Variants in RPS6KC1 observed in about 807,000 individuals in gnomAD.
The protein encoded by RPS6KC1 is ribosomal protein S6 kinase C1.
In RPS6KC1, 54 loss-of-function variants were observed where a neutral mutation model predicts 103.8. The ratio of observed to expected loss-of-function variants is 0.52; its 90% CI spans 0.42 to 0.65. RPS6KC1 has a LOEUF of 0.65. Ranked by LOEUF, RPS6KC1 falls within the 30% of genes least tolerant of loss-of-function variation. The pLI, the probability that RPS6KC1 is intolerant of heterozygous loss-of-function variation, is 0.00. For synonymous variants in RPS6KC1, 439 were observed against 438.7 expected, an observed-to-expected ratio of 1.00 and a Z score of -0.01; for missense variants, 1,151 against 1,253.8, an observed-to-expected ratio of 0.92 and a Z score of 1.24.
chr1:213,338,224 G>C, the RPS6KC1 span, among the ~76,000 whole-genome samples: 1 of 152,088 alleles, frequency 6.6e-6, no homozygotes, highest in East Asian at 1.9e-4. Context: ...ACCTCCAAGG[G>C]CCTTTTCAGC....
the RPS6KC1 span, among the ~76,000 whole-genome samples, chr1:213,378,683 C>G: frequency 6.6e-6 from 1 of 151,940 alleles, no homozygotes; most frequent in Admixed American, 6.6e-5. Flanking sequence ...TTTATTCATT[C>G]GTGAAATGAA....
intron 7 of RPS6KC1, among the ~76,000 whole-genome samples, chr1:213,168,963 T>A (rs2091243516): frequency 6.6e-6 from 1 of 152,142 alleles, no homozygotes; most frequent in East Asian, 1.9e-4. Context: ...CATAGAAGAT[T>A]GGACAAGATA....
the RPS6KC1 span, among the ~76,000 whole-genome samples, chr1:213,809,539 C>G: frequency 6.6e-6 from 1 of 151,916 alleles, no homozygotes; most frequent in Non-Finnish European, 1.5e-5. Flanking sequence ...ATTTATGAGG[C>G]ATAATAAAGT....
chr1:213,654,290 C>T, the RPS6KC1 span, among the ~76,000 whole-genome samples: 1 of 152,230 alleles, frequency 6.6e-6, no homozygotes, highest in East Asian at 1.9e-4. Context: ...AAAGTGCTTC[C>T]TTCAAGGCAG....
chr1:213,152,030 A>G (rs1041956268), intron 6 of RPS6KC1, among the ~76,000 whole-genome samples: 2 of 134,740 alleles, frequency 1.5e-5, no homozygotes, highest in African/African-American at 2.9e-5. Flanking sequence ...CACCTCCCGG[A>G]CGGGGCAGCT....
chr1:213,307,979 C>T, the RPS6KC1 span, among the ~76,000 whole-genome samples: 2,983 of 152,186 alleles, frequency 0.02, 52 homozygotes, highest in Middle Eastern at 0.085. Context: ...TGAGTGGTCA[C>T]AGGGCTGTTC....
At chr1:213,557,868 A>G in the RPS6KC1 span, among the ~76,000 whole-genome samples, 1 of 152,202 alleles carries the variant, frequency 6.6e-6, no homozygotes, top group African/African-American at 2.4e-5. Flanking sequence ...CTAACAAATA[A>G]GGCTAAGTAA....
chr1:213,840,493 T>G, the RPS6KC1 span: 2 of 152,152 alleles, frequency 1.3e-5, no homozygotes, highest in Admixed American at 1.3e-4. Flanking sequence ...AGAAAAGGCA[T>G]CCACATGATC....
chr1:213,244,127 T>C (rs2094412910), intron 12 of RPS6KC1, among the ~76,000 whole-genome samples: 1 of 152,044 alleles, frequency 6.6e-6, no homozygotes, highest in African/African-American at 2.4e-5. Flanking sequence ...TGTGATGTTA[T>C]GTTTTGAAAT....
the RPS6KC1 span, among the ~76,000 whole-genome samples, chr1:213,553,328 G>A: frequency 1.3e-5 from 2 of 152,236 alleles, no homozygotes; most frequent in Admixed American, 6.5e-5. Flanking sequence ...ATGTTGCTGC[G>A]AAGGACGTGG....
intron 8 of RPS6KC1, among the ~76,000 whole-genome samples, chr1:213,208,825 G>A (rs554544377): frequency 5.9e-5 from 9 of 151,638 alleles, no homozygotes; most frequent in African/African-American, 2.2e-4. Context: ...TTCTGCTTGT[G>A]TAGAAAAGGG....
At chr1:213,210,342 G>A (rs761112066) in intron 8 of RPS6KC1, among the ~76,000 whole-genome samples, 8 of 152,176 alleles carry the variant, frequency 5.3e-5, no homozygotes, top group Non-Finnish European at 8.8e-5. Flanking sequence ...TGTTGAGTAA[G>A]TTTGAAGGTA....
At chr1:213,595,597 T>C in the RPS6KC1 span, among the ~76,000 whole-genome samples, 1 of 152,206 alleles carries the variant, frequency 6.6e-6, no homozygotes, top group Non-Finnish European at 1.5e-5. Flanking sequence ...CCTCCAGGTC[T>C]CCTCAGCTGC....
At chr1:213,406,124 G>T in the RPS6KC1 span, among the ~76,000 whole-genome samples, 1 of 152,204 alleles carries the variant, frequency 6.6e-6, no homozygotes, top group Non-Finnish European at 1.5e-5. Context: ...CCAGTGACCC[G>T]GAGTGAGCAG....
the RPS6KC1 span, among the ~76,000 whole-genome samples, chr1:213,433,264 A>G: frequency 6.6e-6 from 1 of 152,184 alleles, no homozygotes. Flanking sequence ...GCTGGGAACA[A>G]ATCTCTCTCT....
intron 6 of RPS6KC1, among the ~76,000 whole-genome samples, chr1:213,149,436 G>A (rs150454429): frequency 1.7e-4 from 26 of 152,152 alleles, no homozygotes; most frequent in Admixed American, 6.5e-4. Context: ...TTTAATTTCC[G>A]TGTATTTCTG....
At chr1:213,294,301 A>G in the RPS6KC1 span, among the ~76,000 whole-genome samples, 2 of 152,220 alleles carry the variant, frequency 1.3e-5, no homozygotes. Flanking sequence ...TGGGAGAAAC[A>G]GCTGCAAGGG....
the RPS6KC1 span, among the ~76,000 whole-genome samples, chr1:213,661,809 G>T: frequency 6.6e-6 from 1 of 152,148 alleles, no homozygotes; most frequent in African/African-American, 2.4e-5. Flanking sequence ...TGCAATTTAT[G>T]CCAGTTTATG....
Position 213,140,513 on chromosome 1 carries a change from C to T in RPS6KC1, c.835+10624C>T, listed in dbSNP as rs1249416969. Among the ~76,000 whole-genome samples the T allele has an allele frequency of 2.6e-5, 4 of 152,010 alleles. 1 individual carries two copies. Among genetic ancestry groups the T allele is most frequent in the Admixed American group, 1.3e-4 (2 of 15,176 alleles). ...CTTATTATTTTGAGGTATGCACCTTCGATGAGTAGTTCATTGAGGATTTTT... is the reference window on the plus strand; with the variant it reads ...CTTATTATTTTGAGGTATGCACCTTTGATGAGTAGTTCATTGAGGATTTTT... On this transcript the variant is annotated intron_variant, in intron 6 of 14. Coordinates refer to ENST00000366960, the MANE Select transcript of RPS6KC1 (RefSeq NM_012424.6).
Sources: allele counts gnomAD v4.1 joint callset (sites outside exome capture counted in the v4.1 genomes callset), GRCh38; gene constraint gnomAD v4.1.1; transcripts MANE v1.5; gene names NCBI Gene and HGNC (gene_info 2026-07-23, HGNC 2026-07-21).